Variants in ENTREP2 observed in about 807,000 individuals in gnomAD.
ENTREP2 encodes the protein protein ENTREP2.
the ENTREP2 span, among the ~76,000 whole-genome samples, chr15:29,119,672 C>CAAAA: frequency 3.0e-5 from 3 of 101,616 alleles, no homozygotes; most frequent in African/African-American, 1.1e-4. Context: ...ACAATTCTAG[C>CAAAA]AAAAAAAAAA....
At chr15:29,397,841 G>A in the ENTREP2 span, among the ~76,000 whole-genome samples, 7 of 152,184 alleles carry the variant, frequency 4.6e-5, no homozygotes, top group African/African-American at 1.7e-4. Flanking sequence ...TCTTTATAAA[G>A]GTCAGTGTAA....
chr15:29,359,254 T>C, the ENTREP2 span, among the ~76,000 whole-genome samples: 4 of 152,318 alleles, frequency 2.6e-5, no homozygotes, highest in South Asian at 4.1e-4. Flanking sequence ...GCTGTTTCCC[T>C]GCATTTTCCA....
At chr15:29,549,041 G>C in the ENTREP2 span, among the ~76,000 whole-genome samples, 1 of 152,182 alleles carries the variant, frequency 6.6e-6, no homozygotes, top group African/African-American at 2.4e-5. Context: ...ACTGCAGGCA[G>C]CAGGACAACT....
chr15:29,570,238 G>A, the ENTREP2 span, among the ~76,000 whole-genome samples: 1 of 151,338 alleles, frequency 6.6e-6, no homozygotes, highest in Admixed American at 6.6e-5. Flanking sequence ...GGAGGACGGC[G>A]GGCGCCTGGC....
the ENTREP2 span, among the ~76,000 whole-genome samples, chr15:29,607,461 T>A: frequency 1.3e-5 from 2 of 152,150 alleles, no homozygotes; most frequent in Non-Finnish European, 2.9e-5. Context: ...CCTTACAGAA[T>A]AATTATTTTT....
chr15:29,132,215 A>C, the ENTREP2 span, among the ~76,000 whole-genome samples: 1 of 152,048 alleles, frequency 6.6e-6, no homozygotes, highest in African/African-American at 2.4e-5. Context: ...CGTGCTGTGA[A>C]GGGGTGCTCC....
the ENTREP2 span, among the ~76,000 whole-genome samples, chr15:29,344,428 T>G: frequency 6.6e-6 from 1 of 151,858 alleles, no homozygotes; most frequent in African/African-American, 2.4e-5. Context: ...CCTGCTAGAT[T>G]GAAGAAAAGT....
chr15:29,145,643 A>AAAC, the ENTREP2 span, among the ~76,000 whole-genome samples: 57 of 151,210 alleles, frequency 3.8e-4, no homozygotes, highest in African/African-American at 8.2e-4. Context: ...AAAAAAAAAA[A>AAAC]AACAACCAAC....
At chr15:29,395,834 T>C in the ENTREP2 span, among the ~76,000 whole-genome samples, 4 of 152,024 alleles carry the variant, frequency 2.6e-5, no homozygotes, top group African/African-American at 9.7e-5. Flanking sequence ...ACGCCAGCCA[T>C]TGTTGTGATT....
the ENTREP2 span, among the ~76,000 whole-genome samples, chr15:29,448,640 C>T: frequency 4.6e-5 from 7 of 152,130 alleles, no homozygotes; most frequent in South Asian, 2.1e-4. Flanking sequence ...CAAATCGAGA[C>T]GAACCAATAA....
At chr15:29,322,745 G>A in the ENTREP2 span, among the ~76,000 whole-genome samples, 1 of 152,242 alleles carries the variant, frequency 6.6e-6, no homozygotes, top group East Asian at 1.9e-4. Context: ...TGCAACACGT[G>A]GATTCAGTGA....
At chr15:29,656,572 G>C in the ENTREP2 span, among the ~76,000 whole-genome samples, 2 of 152,252 alleles carry the variant, frequency 1.3e-5, no homozygotes, top group East Asian at 3.9e-4. Flanking sequence ...ACAGAAACTT[G>C]GGCCAACACA....
At chr15:29,297,423 A>C in the ENTREP2 span, among the ~76,000 whole-genome samples, 27 of 152,338 alleles carry the variant, frequency 1.8e-4, no homozygotes, top group Admixed American at 1.8e-3. Flanking sequence ...AAACCAATGT[A>C]TTCTCCTGAT....
At chr15:29,591,891 G>C in the ENTREP2 span, among the ~76,000 whole-genome samples, 2 of 102,000 alleles carry the variant, frequency 2.0e-5, no homozygotes, top group African/African-American at 7.3e-5. Context: ...AGAAGAAGAA[G>C]AAGAAGAGAG....
At chr15:29,358,882 T>G in the ENTREP2 span, among the ~76,000 whole-genome samples, 1 of 152,142 alleles carries the variant, frequency 6.6e-6, no homozygotes, top group African/African-American at 2.4e-5. Context: ...CAATTTGATT[T>G]CTATAAGATA....
the ENTREP2 span, chr15:29,123,227 A>G: frequency 3.4e-6 from 4 of 1,192,104 alleles, no homozygotes; most frequent in African/African-American, 1.5e-5. Flanking sequence ...TCCCCCCCAC[A>G]TTTATCCTCC....
chr15:29,309,028 G>A, the ENTREP2 span, among the ~76,000 whole-genome samples: 7 of 152,084 alleles, frequency 4.6e-5, no homozygotes, highest in African/African-American at 1.7e-4. Flanking sequence ...ACTTCTCTGG[G>A]TCTTCATTTC....
At chr15:29,403,043 C>A in the ENTREP2 span, among the ~76,000 whole-genome samples, 3 of 152,052 alleles carry the variant, frequency 2.0e-5, no homozygotes, top group African/African-American at 4.8e-5. Flanking sequence ...GAAACAATGG[C>A]GGCCAGTCTG....
the ENTREP2 span, among the ~76,000 whole-genome samples, chr15:29,198,154 C>A: frequency 6.6e-5 from 10 of 152,238 alleles, no homozygotes; most frequent in African/African-American, 2.2e-4. Context: ...GTGGGCTTTG[C>A]GAGTGGCTTT....
Sources: allele counts gnomAD v4.1 joint callset (sites outside exome capture counted in the v4.1 genomes callset), GRCh38; gene constraint gnomAD v4.1.1; transcripts MANE v1.5; gene names NCBI Gene and HGNC (gene_info 2026-07-23, HGNC 2026-07-21).